Variants in RBM33 observed in about 807,000 individuals in gnomAD.
RBM33 encodes the protein RNA-binding protein 33.
In RBM33, 28 loss-of-function variants were observed where a neutral mutation model predicts 132.6. The ratio of observed to expected loss-of-function variants is 0.21; its 90% CI spans 0.16 to 0.29. The LOEUF (loss-of-function observed/expected upper bound fraction) is 0.29, where lower values mean the gene tolerates loss of function less well. RBM33 is among the 10% of genes least tolerant of loss of function. The pLI is 1.00. For synonymous variants in RBM33, 634 were observed against 593.0 expected (o/e 1.07, Z -1.01); for missense variants, 1,291 against 1,518.5 (o/e 0.85, Z 2.49).
chr7:155,725,938 G>C (rs1800784783), intron 9 of RBM33, among the ~76,000 whole-genome samples: 1 of 152,118 alleles, frequency 6.6e-6, no homozygotes, highest in Non-Finnish European at 1.5e-5. Flanking sequence ...TTTAAACAAG[G>C]CATAACCTGA....
chr7:155,668,491 G>A (rs2116897085), intron 2 of RBM33, among the ~76,000 whole-genome samples: 1 of 152,250 alleles, frequency 6.6e-6, no homozygotes, highest in South Asian at 2.1e-4. Context: ...TTTGAACTTG[G>A]GGGAGGGGCC....
chr7:155,723,177 T>C (rs1470042276), intron 9 of RBM33, among the ~76,000 whole-genome samples: 2 of 152,246 alleles, frequency 1.3e-5, no homozygotes, highest in African/African-American at 2.4e-5. Flanking sequence ...ATGCAAATCA[T>C]GTTTGATGAG....
At chr7:155,698,727 A>G (rs1372813653) in intron 5 of RBM33, among the ~76,000 whole-genome samples, 2 of 152,194 alleles carry the variant, frequency 1.3e-5, no homozygotes, top group East Asian at 3.8e-4. Flanking sequence ...TTACCAGTGT[A>G]ATTTTGTTCC....
chr7:155,673,739 TAC>T (rs1275524435), intron 3 of RBM33, among the ~76,000 whole-genome samples: 10 of 127,534 alleles, frequency 7.8e-5, no homozygotes, highest in South Asian at 2.6e-4. Context: ...CATATATACA[TAC>T]ACACGTGTAT....
In RBM33 at chr7:155,678,598, T is replaced by C. The variant is rs774856296; in HGVS notation, c.172-10T>C. On this transcript the variant is annotated splice_polypyrimidine_tract_variant and intron_variant, in intron 3 of 17. Coordinates refer to ENST00000401878, the MANE Select transcript of RBM33 (RefSeq NM_053043.3). The stretch of plus-strand genomic sequence containing the variant: ...TGACACACATTAATTATATTTCTTA[T>C]TTTAATTAGAATCAGTCGGATTTGT... 2.4e-5 allele frequency: 36 copies of C among 1,496,052 alleles called. 1 individual carries two copies. Among genetic ancestry groups the C allele is most frequent in the Non-Finnish European group, 2.9e-5 (32 of 1,095,728 alleles). 92.7% of individuals were successfully genotyped at this position (1,496,052 alleles called of 1,614,324 possible).
chr7:155,670,608 G>C (rs990985484), intron 2 of RBM33, among the ~76,000 whole-genome samples: 2 of 152,168 alleles, frequency 1.3e-5, no homozygotes, highest in African/African-American at 4.8e-5. Flanking sequence ...TAGTGTCTCT[G>C]TTTTCACATT....
chr7:155,748,703 C>T (rs900103237), intron 14 of RBM33, among the ~76,000 whole-genome samples: 2 of 151,174 alleles, frequency 1.3e-5, no homozygotes, highest in Non-Finnish European at 2.9e-5. Context: ...TTAATTATAT[C>T]GCCTTTCAGG....
intron 16 of RBM33, among the ~76,000 whole-genome samples, chr7:155,770,948 T>C (rs1041554806): frequency 1.3e-5 from 2 of 152,226 alleles, no homozygotes; most frequent in Non-Finnish European, 2.9e-5. Flanking sequence ...TGTATTCTTT[T>C]AACTTGCATT....
chr7:155,689,257 C>T (rs1273847006), intron 5 of RBM33, among the ~76,000 whole-genome samples: 7 of 152,100 alleles, frequency 4.6e-5, no homozygotes, highest in Admixed American at 1.3e-4. Flanking sequence ...AGTTTATTTG[C>T]GTAGAGGTGT....
intron 5 of RBM33, among the ~76,000 whole-genome samples, chr7:155,688,137 C>T (rs1799530750): frequency 6.6e-6 from 1 of 152,118 alleles, no homozygotes; most frequent in East Asian, 1.9e-4. Flanking sequence ...TTGCGTGTGT[C>T]CTCTTTTATT....
chr7:155,692,767 T>C (rs1234851562), intron 5 of RBM33, among the ~76,000 whole-genome samples: 1 of 152,244 alleles, frequency 6.6e-6, no homozygotes, highest in Non-Finnish European at 1.5e-5. Context: ...CTTGACAGTA[T>C]TAAAAGCTTT....
rs559091984 is a variant in RBM33, at chr7:155,651,893, C to T, written c.43+6974C>T. 3.8e-4 allele frequency among the ~76,000 whole-genome samples: 58 copies of T among 152,286 alleles called. 1 individual carries two copies. The South Asian group carries it at 0.012, about 30-fold the overall frequency. Reference sequence around the variant, plus strand: ...AATAAAAACTTCATTTTAGGGAGAACCTCTCCTGGGGCCCGTGTAACATAG... The same window carrying T: ...AATAAAAACTTCATTTTAGGGAGAATCTCTCCTGGGGCCCGTGTAACATAG... On this transcript the variant is annotated intron_variant, in intron 1 of 17. Coordinates refer to ENST00000401878, the MANE Select transcript of RBM33 (RefSeq NM_053043.3).
intron 1 of RBM33, among the ~76,000 whole-genome samples, chr7:155,659,034 T>G (rs1798569958): frequency 6.6e-6 from 1 of 152,138 alleles, no homozygotes; most frequent in Admixed American, 6.5e-5. Context: ...TGACCACACT[T>G]AAGGAATATA....
At chr7:155,671,162 T>C (rs1314092419) in intron 2 of RBM33, among the ~76,000 whole-genome samples, 1 of 152,200 alleles carries the variant, frequency 6.6e-6, no homozygotes, top group Non-Finnish European at 1.5e-5. Context: ...TATTGTTGAC[T>C]AGACAGCATT....
intron 5 of RBM33, 121 bp downstream of exon 5, chr7:155,681,029 C>T (rs1799323971): frequency 2.7e-6 from 2 of 745,750 alleles, no homozygotes; most frequent in African/African-American, 3.5e-5. Flanking sequence ...CTTATTATCA[C>T]TCTCTGCCAG....
intron 3 of RBM33, among the ~76,000 whole-genome samples, chr7:155,677,763 C>T (rs1799224729): frequency 6.6e-6 from 1 of 152,098 alleles, no homozygotes; most frequent in African/African-American, 2.4e-5. Flanking sequence ...CTTGTTTGTT[C>T]ACCTTTAAGA....
chr7:155,656,841 GTCT>G (rs570575738), intron 1 of RBM33, among the ~76,000 whole-genome samples: 163 of 152,074 alleles, frequency 1.1e-3, no homozygotes, highest in Non-Finnish European at 2.0e-3. Context: ...CTCATTTCCT[GTCT>G]TCTTTACCCT....
intron 14 of RBM33, among the ~76,000 whole-genome samples, chr7:155,753,757 A>G (rs1229806219): frequency 1.3e-5 from 2 of 152,194 alleles, no homozygotes; most frequent in African/African-American, 4.8e-5. Context: ...TGCTTGGGGC[A>G]GGGGAGGAGC....
intron 5 of RBM33, among the ~76,000 whole-genome samples, chr7:155,687,630 A>G (rs1213399761): frequency 6.6e-6 from 1 of 152,176 alleles, no homozygotes; most frequent in Non-Finnish European, 1.5e-5. Context: ...TAAGTCTTTA[A>G]TCCATCTTGA....
Sources: allele counts gnomAD v4.1 joint callset (sites outside exome capture counted in the v4.1 genomes callset), GRCh38; gene constraint gnomAD v4.1.1; transcripts MANE v1.5; gene names NCBI Gene and HGNC (gene_info 2026-07-23, HGNC 2026-07-21).